NRXN2: variants seen among roughly 807,000 people sequenced by gnomAD.
NRXN2 encodes neurexin 2, also known as neurexin-2-beta.
A neutral mutation model predicts 128.8 loss-of-function variants in NRXN2; 29 were observed. That is an observed-to-expected ratio of 0.23 (90% CI 0.17 to 0.31). The LOEUF (loss-of-function observed/expected upper bound fraction) is 0.31, where lower values mean the gene tolerates loss of function less well. NRXN2 is among the 10% of genes least tolerant of loss of function. The pLI, the probability that NRXN2 is intolerant of heterozygous loss-of-function variation, is 1.00. For missense variants in NRXN2, 1,881 were observed against 2,452.6 expected (o/e 0.77, Z 4.92); for synonymous variants, 1,098 against 1,075.2 (o/e 1.02, Z -0.41).
At position 64,642,724 on chromosome 11, in the gene NRXN2, G is replaced by A. The variant is rs4373928; in HGVS notation, c.3403+5495C>T. 1,851 of 1,446,432 alleles carry A rather than the reference G, an allele frequency of 1.3e-3. 12 individuals are homozygous for A. Among genetic ancestry groups the A allele is most frequent in the African/African-American group, 9.8e-3 (668 of 68,108 alleles). 89.6% of individuals were successfully genotyped at this position (1,446,432 alleles called of 1,614,324 possible). ...CGGCAGCAGAGGTGGCGGCGGCGGC[G>A]GTGGAGGCGGCGGCAGGGGCCCAGC... On this transcript the variant is annotated intron_variant, in intron 17 of 22. Coordinates refer to ENST00000265459, the MANE Select transcript of NRXN2 (RefSeq NM_015080.4).
At chr11:64,658,405 C>T (rs1445115563) in intron 11 of NRXN2, among the ~76,000 whole-genome samples, 1 of 152,206 alleles carries the variant, frequency 6.6e-6, no homozygotes, top group Non-Finnish European at 1.5e-5. Flanking sequence ...GGAGCATTGA[C>T]TAGAGTGTCT....
At chr11:64,629,850 C>T (rs2043614271) in intron 19 of NRXN2, among the ~76,000 whole-genome samples, 1 of 152,180 alleles carries the variant, frequency 6.6e-6, no homozygotes, top group Non-Finnish European at 1.5e-5. Flanking sequence ...GGGTCCTTTT[C>T]TCTGAGTCTC....
At chr11:64,682,868 G>C (rs1051509084) in intron 6 of NRXN2, among the ~76,000 whole-genome samples, 1 of 152,160 alleles carries the variant, frequency 6.6e-6, no homozygotes, top group South Asian at 2.1e-4. Flanking sequence ...AGGAGAGAGA[G>C]GAGAGAAGGA....
At position 64,723,136 on chromosome 11, in the gene NRXN2, G is replaced by T. The variant is rs956721904; in HGVS notation, c.-410C>A. Reference sequence around the variant, plus strand: ...GCCCGCCCCGCCGCGGTGCCTCTCCGAGGAGGATGCTCCGCGAGTCAGGGC... The same window carrying T: ...GCCCGCCCCGCCGCGGTGCCTCTCCTAGGAGGATGCTCCGCGAGTCAGGGC... On this transcript the variant is annotated 5_prime_UTR_variant, in exon 1 of 23. Coordinates refer to ENST00000265459, the MANE Select transcript of NRXN2 (RefSeq NM_015080.4). The T allele has an allele frequency of 1.3e-5, 1 of 76,768 alleles. No individual in the cohort carries two copies. The highest frequency in any genetic ancestry group is 2.3e-5 in the Non-Finnish European group (1 of 42,966). 4.8% of individuals were successfully genotyped at this position (76,768 alleles called of 1,614,324 possible). A position where few individuals can be genotyped will look rare whatever the true frequency, so the allele number is the denominator to read the frequency against.
chr11:64,715,451 AG>A (rs1351813529), intron 1 of NRXN2, among the ~76,000 whole-genome samples: 4 of 152,154 alleles, frequency 2.6e-5, no homozygotes, highest in African/African-American at 9.7e-5. Context: ...TGACTTCGGG[AG>A]GGGAAGGCTG....
chr11:64,697,922 G>C (rs1056092910), intron 2 of NRXN2, 130 bp from the exon 3 acceptor site: 2 of 1,021,312 alleles, frequency 2.0e-6, no homozygotes, highest in Non-Finnish European at 1.5e-6. Context: ...CCTGACATGA[G>C]TCACCCAATG....
chr11:64,700,508 C>T (rs999710824), intron 2 of NRXN2, among the ~76,000 whole-genome samples: 1 of 152,192 alleles, frequency 6.6e-6, no homozygotes, highest in Non-Finnish European at 1.5e-5. Flanking sequence ...ACACATCAGC[C>T]TCACTGCAAC....
rs745372592 is a variant in NRXN2, at chr11:64,660,475, A to G, written c.2246T>C (p.Met749Thr). Residue 749 changes from methionine (M) to threonine (T), a missense_variant, in exon 11 of 23, where the codon ATG (methionine) becomes ACG (threonine). By Grantham distance (81) the Met-to-Thr change is moderately conservative. This residue lies in a region of NRXN2 where 997 missense variants were observed against 1,240.8 expected (regional missense o/e 0.80). Transcript: ENST00000265459. The surrounding 1 kb of genome is among the most constrained non-coding windows in gnomAD (Gnocchi z 5.2). ...MYMKIMLPNA[M>T]HTEAEDVSLR... ...GGACACATCCTCTGCCTCCGTGTGC[A>G]TGGCGTTAGGCAGCATGATCTTCAT... is the stretch of plus-strand genomic sequence containing the variant. 4 of 1,614,196 alleles carry G rather than the reference A, an allele frequency of 2.5e-6. No homozygotes were observed. The South Asian group carries it at 3.3e-5, about 13-fold the overall frequency.
intron 7 of NRXN2, among the ~76,000 whole-genome samples, chr11:64,672,182 G>A (rs1042036427): frequency 2.7e-4 from 41 of 152,218 alleles, no homozygotes; most frequent in Admixed American, 7.9e-4. Flanking sequence ...GAGGCTGGCT[G>A]GAGGTGGACA....
chr11:64,692,627 G>A (rs978249728), intron 4 of NRXN2, among the ~76,000 whole-genome samples: 3 of 152,188 alleles, frequency 2.0e-5, no homozygotes, highest in Non-Finnish European at 4.4e-5. Flanking sequence ...GTGGGTGAGG[G>A]AGAGGGGAGC....
intron 1 of NRXN2, among the ~76,000 whole-genome samples, chr11:64,720,547 T>G (rs914904657): frequency 1.8e-4 from 28 of 151,442 alleles, no homozygotes; most frequent in Non-Finnish European, 3.5e-4. Context: ...CTGGGAAGGG[T>G]CGTGGTTGTG....
chr11:64,642,567 G>A, intron 17 of NRXN2: 2 of 1,611,062 alleles, frequency 1.2e-6, no homozygotes, highest in Non-Finnish European at 1.7e-6. Flanking sequence ...GGAAGGGCAT[G>A]CGGTTGATGG....
chr11:64,652,565 G>A (rs2047622737), intron 12 of NRXN2, among the ~76,000 whole-genome samples: 1 of 152,168 alleles, frequency 6.6e-6, no homozygotes, highest in Admixed American at 6.5e-5. Flanking sequence ...AGTGTGGCCA[G>A]AAGCTATATT....
chr11:64,623,300 G>A lies in NRXN2; in HGVS notation c.3848-222C>T, dbSNP rs1048401618. The A allele has an allele frequency of 1.6e-5, 12 of 731,978 alleles. No individual in the cohort carries two copies. In the African/African-American group the frequency reaches 2.0e-4, roughly 12 times the overall value. 45.3% of individuals were successfully genotyped at this position (731,978 alleles called of 1,614,324 possible). Reference sequence around the variant, plus strand: ...CAGCCAGGTGGGGACCCCAGAAGGGGAGGGCACCCAGGGTACACATGGGCT... The same window carrying A: ...CAGCCAGGTGGGGACCCCAGAAGGGAAGGGCACCCAGGGTACACATGGGCT... On this transcript the variant is annotated intron_variant, in intron 20 of 22. Coordinates refer to ENST00000265459, the MANE Select transcript of NRXN2 (RefSeq NM_015080.4). The surrounding 1 kb of genome is among the most constrained non-coding windows in gnomAD (Gnocchi z 4.9).
chr11:64,668,379 C>A, intron 8 of NRXN2, 64 bp downstream of exon 8: 2 of 1,598,516 alleles, frequency 1.3e-6, no homozygotes, highest in South Asian at 1.1e-5. Context: ...CAGACTAAGT[C>A]ACGCTGAAGA....
At chr11:64,677,211 C>T (rs2135540065) in intron 6 of NRXN2, among the ~76,000 whole-genome samples, 174 bp from the exon 7 acceptor site, 1 of 152,260 alleles carries the variant, frequency 6.6e-6, no homozygotes, top group South Asian at 2.1e-4. Context: ...TTCCAACCCT[C>T]CCACCTTAGG....
intron 2 of NRXN2, among the ~76,000 whole-genome samples, chr11:64,707,014 C>T (rs991787065): frequency 6.8e-6 from 1 of 148,042 alleles, no homozygotes. Flanking sequence ...TGCAGTGGCG[C>T]GATCTCAGCT....
At chr11:64,626,137 G>A (rs779236036) in intron 20 of NRXN2, among the ~76,000 whole-genome samples, 4 of 152,106 alleles carry the variant, frequency 2.6e-5, no homozygotes, top group Admixed American at 1.3e-4. Context: ...TTCCCAGCCT[G>A]CTTGTGATTT....
chr11:64,653,777 GTTTT>G (rs563198102), intron 11 of NRXN2, 55 bp from the exon 12 acceptor site: 10 of 1,032,448 alleles, frequency 9.7e-6, no homozygotes, highest in Admixed American at 2.5e-5. Context: ...GGTAAAACAA[GTTTT>G]TTTTTTTTTT....
Sources: allele counts gnomAD v4.1 joint callset (sites outside exome capture counted in the v4.1 genomes callset), GRCh38; gene constraint gnomAD v4.1.1; regional missense constraint gnomAD v4.1.1; non-coding constraint Gnocchi (gnomAD v3.1); transcripts MANE v1.5; gene names NCBI Gene and HGNC (gene_info 2026-07-23, HGNC 2026-07-21).